ZFP3: variants seen among roughly 807,000 people sequenced by gnomAD.
The protein encoded by ZFP3 is ZFP3 zinc finger protein.
In ZFP3, 18 loss-of-function variants were observed where a neutral mutation model predicts 36.7. The observed-to-expected ratio is 0.49, with a 90% CI of 0.34 to 0.73. The LOEUF is 0.73. Ranked by LOEUF, ZFP3 falls within the 30% of genes least tolerant of loss-of-function variation. The pLI is 0.01. For synonymous variants in ZFP3, 218 were observed against 199.0 expected, an observed-to-expected ratio of 1.10 and a Z score of -0.81; for missense variants, 495 against 599.0, an observed-to-expected ratio of 0.83 and a Z score of 1.81.
chr17:5,088,475 T>G (rs1322407665), intron 1 of ZFP3, among the ~76,000 whole-genome samples: 1 of 132,974 alleles, frequency 7.5e-6, no homozygotes, highest in African/African-American at 2.9e-5. Flanking sequence ...CCTACTGCTT[T>G]CTTTTTTTTT....
intron 1 of ZFP3, among the ~76,000 whole-genome samples, chr17:5,080,064 C>T (rs1597901892): frequency 6.6e-6 from 1 of 151,870 alleles, no homozygotes; most frequent in African/African-American, 2.4e-5. Flanking sequence ...AAATAGGTAT[C>T]GTGGTTTCAG....
rs1317093617 is a variant in ZFP3, at chr17:5,092,010, T to C, written c.506T>C (p.Phe169Ser). The change falls in exon 2 of 2, where the codon TTT becomes TCT. Residue 169 changes from phenylalanine (F) to serine (S), a missense_variant. By Grantham distance (155) the Phe-to-Ser change is radical (BLOSUM62 -2). This residue lies in a region of ZFP3 where 229 missense variants were observed against 233.8 expected (regional missense o/e 0.98). Transcript: ENST00000318833. This position sits in a 1 kb window ranked among gnomAD's most constrained non-coding sequence, Gnocchi z 5.0. ...AGAGTTCATAGTGGAGAAAAACCCT[T>C]TGAATGTAAAGAATGTGGAAAGACA... is the stretch of plus-strand genomic sequence containing the variant. ...HMRVHSGEKP[F>S]ECKECGKTFG... The C allele has an allele frequency of 1.2e-6, 2 of 1,613,986 alleles. No homozygotes were observed. The highest frequency in any genetic ancestry group is 4.5e-5 in the East Asian group (2 of 44,896).
rs1284751799 is a variant in ZFP3, at chr17:5,095,778, C to A, written c.*2765C>A. 6.0e-6 allele frequency: 1 copy of A among 165,642 alleles called. No individual in the cohort carries two copies. The highest frequency in any genetic ancestry group is 1.5e-5 in the Non-Finnish European group (1 of 67,956). 10.3% of individuals were successfully genotyped at this position (165,642 alleles called of 1,614,324 possible). ...ATCCATCACCTCGCCTCCCCTGGCC[C>A]TAGCTCAATTACCCTCTTAAACCCA... On this transcript the variant is annotated 3_prime_UTR_variant, in exon 2 of 2. Transcript: ENST00000318833.
At chr17:5,087,208 G>C (rs1220292802) in intron 1 of ZFP3, among the ~76,000 whole-genome samples, 1 of 150,604 alleles carries the variant, frequency 6.6e-6, no homozygotes, top group Non-Finnish European at 1.5e-5. Context: ...AGCTTCCCGA[G>C]TAGCTGGAAC....
At chr17:5,080,926 A>C (rs1245937646) in intron 1 of ZFP3, among the ~76,000 whole-genome samples, 1 of 152,068 alleles carries the variant, frequency 6.6e-6, no homozygotes, top group East Asian at 1.9e-4. Context: ...TGCTTGTTTC[A>C]TGAGGTGGTG....
At chr17:5,081,584 C>T (rs1443177223) in intron 1 of ZFP3, among the ~76,000 whole-genome samples, 2 of 146,854 alleles carry the variant, frequency 1.4e-5, no homozygotes, top group African/African-American at 2.6e-5. Context: ...TTGTTCTTTT[C>T]TTCATTTTAT....
chr17:5,094,137 C>T lies in ZFP3; in HGVS notation c.*1124C>T, dbSNP rs376981816. ...GCACTTAAGTTCTCATGACCTGGAC[C>T]GCACTGGAGGCCCTGGCTAAGTCAG... is the stretch of plus-strand genomic sequence containing the variant. On this transcript the variant is annotated 3_prime_UTR_variant, in exon 2 of 2. Coordinates refer to ENST00000318833, the MANE Select transcript of ZFP3 (RefSeq NM_153018.3). 4.8e-5 allele frequency: 8 copies of T among 167,266 alleles called. No homozygotes were observed. Among genetic ancestry groups the T allele is most frequent in the East Asian group, 3.9e-4 (2 of 5,190 alleles). The allele number at this position is 167,266 out of a possible 1,614,324, so 10.4% of individuals were successfully genotyped here.
At chr17:5,086,603 T>A (rs535915385) in intron 1 of ZFP3, among the ~76,000 whole-genome samples, 89 of 151,646 alleles carry the variant, frequency 5.9e-4, no homozygotes, top group Non-Finnish European at 1.1e-3. Context: ...TTTTTTTTTT[T>A]AAAGAAGCAG....
intron 1 of ZFP3, among the ~76,000 whole-genome samples, chr17:5,080,678 C>T (rs1226631927): frequency 6.6e-6 from 1 of 152,152 alleles, no homozygotes; most frequent in African/African-American, 2.4e-5. Context: ...GTGCTCATCA[C>T]ATCCTTCACC....
chr17:5,085,452 C>G (rs1311578022), intron 1 of ZFP3, among the ~76,000 whole-genome samples: 1 of 151,822 alleles, frequency 6.6e-6, no homozygotes, highest in Non-Finnish European at 1.5e-5. Context: ...CACTGCAAGC[C>G]CCGCCTCCTG....
chr17:5,085,943 A>G (rs1410440596), intron 1 of ZFP3, among the ~76,000 whole-genome samples: 1 of 152,160 alleles, frequency 6.6e-6, no homozygotes, highest in Non-Finnish European at 1.5e-5. Flanking sequence ...TAGGGATGAG[A>G]GAGAAATGTA....
At chr17:5,081,406 G>A (rs989916731) in intron 1 of ZFP3, among the ~76,000 whole-genome samples, 2 of 152,128 alleles carry the variant, frequency 1.3e-5, no homozygotes, top group Non-Finnish European at 1.5e-5. Flanking sequence ...ATGGAAATAT[G>A]TGGAGGGGGT....
chr17:5,090,702 ACT>A (rs2072145313), intron 1 of ZFP3, among the ~76,000 whole-genome samples: 1 of 151,782 alleles, frequency 6.6e-6, no homozygotes, highest in African/African-American at 2.4e-5. Flanking sequence ...ACAGGGTCTG[ACT>A]CTGTCACCCA....
intron 1 of ZFP3, 125 bp from the exon 2 acceptor site, chr17:5,091,372 C>T (rs2072148609): frequency 9.3e-7 from 1 of 1,070,104 alleles, no homozygotes; most frequent in African/African-American, 1.6e-5. Context: ...CTCAGCTGCC[C>T]TCCTCCCCTG....
chr17:5,092,461 G>C lies in ZFP3; in HGVS notation c.957G>C (p.Gly319=). ...GTAATGAATGTGGGAAGGGCTTCGGGCAGAGTTCTGAGCTTATCCGGCATC... is the reference window on the plus strand; with the variant it reads ...GTAATGAATGTGGGAAGGGCTTCGGCCAGAGTTCTGAGCTTATCCGGCATC... ...YLCNECGKGF[G]QSSELIRHQR... Residue 319 remains glycine, a synonymous_variant, in exon 2 of 2, where the codon GGG becomes GGC. Transcript: ENST00000318833. The surrounding 1 kb of genome is among the most constrained non-coding windows in gnomAD (Gnocchi z 5.0). The C allele has an allele frequency of 6.2e-7, 1 of 1,614,142 alleles. No homozygotes were observed. The highest frequency in any genetic ancestry group is 8.5e-7 in the Non-Finnish European group (1 of 1,180,016).
At chr17:5,089,429 C>T (rs899342872) in intron 1 of ZFP3, among the ~76,000 whole-genome samples, 1 of 152,178 alleles carries the variant, frequency 6.6e-6, no homozygotes, top group Non-Finnish European at 1.5e-5. Context: ...CATGTGGTTT[C>T]ATTTGCATCT....
At chr17:5,085,505 A>T (rs1187114494) in intron 1 of ZFP3, among the ~76,000 whole-genome samples, 1 of 151,922 alleles carries the variant, frequency 6.6e-6, no homozygotes, top group Non-Finnish European at 1.5e-5. Context: ...AGTAGCTGGG[A>T]CTACAAGCGC....
rs2072097445 is a variant in ZFP3 at position 5,082,201 on chromosome 17, G to A, written c.-9+3626G>A. On this transcript the variant is annotated intron_variant, in intron 1 of 1. Transcript: ENST00000318833. ...TCTCTACTAAAAATATAAAAAATTA[G>A]CCGGGCCTGGTGGTGGGCGTGTGTA... Among the ~76,000 whole-genome samples, 3 of 151,862 alleles carry A rather than the reference G, an allele frequency of 2.0e-5. No homozygotes were observed. The South Asian group carries it at 6.3e-4, about 32-fold the overall frequency.
intron 1 of ZFP3, among the ~76,000 whole-genome samples, chr17:5,084,040 T>C (rs2072107853): frequency 6.6e-6 from 1 of 151,730 alleles, no homozygotes; most frequent in African/African-American, 2.4e-5. Context: ...CCAATTTTTG[T>C]ATTTTTGTAG....
Sources: allele counts gnomAD v4.1 joint callset (sites outside exome capture counted in the v4.1 genomes callset), GRCh38; gene constraint gnomAD v4.1.1; regional missense constraint gnomAD v4.1.1; non-coding constraint Gnocchi (gnomAD v3.1); transcripts MANE v1.5; gene names NCBI Gene and HGNC (gene_info 2026-07-23, HGNC 2026-07-21).